SLC43A2: variants seen among roughly 807,000 people sequenced by gnomAD.
SLC43A2 encodes large neutral amino acids transporter small subunit 4.
SLC43A2 carries 38 observed loss-of-function variants against 63.2 expected under a neutral mutation model. The ratio of observed to expected loss-of-function variants is 0.60; its 90% CI spans 0.46 to 0.79. The LOEUF is 0.79. Among genes scored for constraint, SLC43A2 ranks in the 30% least tolerant of loss-of-function variants. SLC43A2 has a pLI of 0.00. For missense variants in SLC43A2, 644 were observed against 756.2 expected, an observed-to-expected ratio of 0.85 and a Z score of 1.74; for synonymous variants, 322 against 331.0, an observed-to-expected ratio of 0.97 and a Z score of 0.30.
At chr17:1,616,523 A>G (rs1018376721) in intron 3 of SLC43A2, 39 bp downstream of exon 3, 13 of 1,566,164 alleles carry the variant, frequency 8.3e-6, no homozygotes, top group Non-Finnish European at 1.1e-5. Context: ...CAGGGGGTCC[A>G]CCTGCCCACT....
chr17:1,621,513 C>A (rs530346962), intron 2 of SLC43A2, among the ~76,000 whole-genome samples: 1 of 152,150 alleles, frequency 6.6e-6, no homozygotes, highest in Admixed American at 6.5e-5. Context: ...GGTGAGAGGT[C>A]GGCTCAGACA....
chr17:1,628,549 G>C (rs1319228803), intron 1 of SLC43A2, among the ~76,000 whole-genome samples: 1 of 152,138 alleles, frequency 6.6e-6, no homozygotes, highest in African/African-American at 2.4e-5. Flanking sequence ...GGTTCAAACC[G>C]GTGGCGCGAG....
chr17:1,584,769 G>A (rs189111055), intron 10 of SLC43A2, among the ~76,000 whole-genome samples: 2 of 150,942 alleles, frequency 1.3e-5, no homozygotes, highest in African/African-American at 2.4e-5. Context: ...GCAGTGAGCC[G>A]AGATAGAGCC....
chr17:1,575,533 C>T lies in SLC43A2; in HGVS notation c.*71G>A. On this transcript the variant is annotated 3_prime_UTR_variant, in exon 14 of 14. Transcript: ENST00000301335. ...GAAGGTCCTGGGGGTGCGTGGGGTA[C>T]TCTGGAGGGGCAGGACAGGGGTCAG... is the stretch of plus-strand genomic sequence containing the variant. 1 of 1,600,224 alleles carries T rather than the reference C, an allele frequency of 6.2e-7. No individual in the cohort carries two copies. The highest frequency in any genetic ancestry group is 8.6e-7 in the Non-Finnish European group (1 of 1,168,072).
rs1486616896 is a variant in SLC43A2 at position 1,570,586 on chromosome 17, A to C, written c.*5018T>G. ...ACTGCAAGCTCCGCCTCCCGGGTTCACACCATTCTCCTGCCTCAGCCTCCC... is the reference window on the plus strand; with the variant it reads ...ACTGCAAGCTCCGCCTCCCGGGTTCCCACCATTCTCCTGCCTCAGCCTCCC... On this transcript the variant is annotated 3_prime_UTR_variant, in exon 14 of 14. Transcript: ENST00000301335. 3 of 141,810 alleles carry C rather than the reference A, an allele frequency of 2.1e-5. No homozygotes were observed. Among genetic ancestry groups the C allele is most frequent in the Non-Finnish European group, 4.6e-5 (3 of 65,536 alleles). The allele number at this position is 141,810 out of a possible 1,614,324, so 8.8% of individuals were successfully genotyped here.
At chr17:1,613,080 G>A (rs1907276937) in intron 5 of SLC43A2, 115 bp downstream of exon 5, 1 of 934,880 alleles carries the variant, frequency 1.1e-6, no homozygotes, top group Admixed American at 2.1e-5. Flanking sequence ...CTACTGTTTG[G>A]GACACCCAGG....
At chr17:1,576,559 C>T (rs753984402) in intron 13 of SLC43A2, 38 bp downstream of exon 13, 2 of 1,571,092 alleles carry the variant, frequency 1.3e-6, no homozygotes, top group Non-Finnish European at 1.7e-6. Flanking sequence ...CAGAAGGGGG[C>T]AGGCGCCCAT....
At chr17:1,616,875 G>A (rs185980457) in intron 2 of SLC43A2, 106 bp from the exon 3 acceptor site, 5 of 1,323,516 alleles carry the variant, frequency 3.8e-6, no homozygotes, top group Non-Finnish European at 4.2e-6. Flanking sequence ...GAATGCCAGG[G>A]CTGGCTGGCG....
chr17:1,597,837 A>G (rs747663878), intron 5 of SLC43A2, among the ~76,000 whole-genome samples: 5 of 152,164 alleles, frequency 3.3e-5, no homozygotes, highest in Admixed American at 6.5e-5. Context: ...AGAAAAGAAA[A>G]GAAATCCCTT....
At chr17:1,615,998 A>G (rs1221873257) in intron 3 of SLC43A2, among the ~76,000 whole-genome samples, 2 of 145,882 alleles carry the variant, frequency 1.4e-5, no homozygotes, top group Non-Finnish European at 3.0e-5. Context: ...AGCCGAGATC[A>G]CGCCACTGCA....
At chr17:1,594,044 G>C (rs1016210854) in intron 5 of SLC43A2, among the ~76,000 whole-genome samples, 1 of 152,054 alleles carries the variant, frequency 6.6e-6, no homozygotes, top group Admixed American at 6.6e-5. Flanking sequence ...TCACCATGTT[G>C]GCCAGGCTGA....
chr17:1,624,142 C>T (rs940873791), intron 2 of SLC43A2, among the ~76,000 whole-genome samples: 14 of 152,240 alleles, frequency 9.2e-5, no homozygotes, highest in Admixed American at 8.5e-4. Context: ...AGGGGATTAA[C>T]GATCCACATG....
chr17:1,619,840 C>T (rs1907992936), intron 2 of SLC43A2, among the ~76,000 whole-genome samples: 1 of 152,178 alleles, frequency 6.6e-6, no homozygotes. Flanking sequence ...CGCCAGGGCC[C>T]AGGATGGGTG....
chr17:1,600,152 A>ATATATATATT (rs1216616243), intron 5 of SLC43A2, among the ~76,000 whole-genome samples: 84 of 60,280 alleles, frequency 1.4e-3, no homozygotes, highest in Admixed American at 6.6e-3. Context: ...ATATATATAT[A>ATATATATATT]TTTTTTTTTT....
chr17:1,600,154 T>TATATATATATATATATA (rs1567630909), intron 5 of SLC43A2, among the ~76,000 whole-genome samples: 5 of 28,990 alleles, frequency 1.7e-4, no homozygotes, highest in African/African-American at 4.5e-4. Flanking sequence ...ATATATATAT[T>TATATATATATATATATA]TTTTTTTTTT....
rs1480301475 is a variant in SLC43A2, at chr17:1,599,656, G to A, written c.502-6377C>T. Among the ~76,000 whole-genome samples, 2 of 148,924 alleles carry A rather than the reference G, an allele frequency of 1.3e-5. 1 individual carries two copies. The highest frequency in any genetic ancestry group is 4.0e-4 in the East Asian group (2 of 4,964). On this transcript the variant is annotated intron_variant, in intron 5 of 13. Transcript: ENST00000301335. Reference sequence around the variant, plus strand: ...ATAGAGGTTGCAGTGAGCAGAGACTGAGCCACTGCACTCCAGCCTGGGCAA... The same window carrying A: ...ATAGAGGTTGCAGTGAGCAGAGACTAAGCCACTGCACTCCAGCCTGGGCAA...
intron 9 of SLC43A2, among the ~76,000 whole-genome samples, chr17:1,586,620 G>C (rs1416532029): frequency 6.6e-6 from 1 of 152,084 alleles, no homozygotes; most frequent in East Asian, 1.9e-4. Flanking sequence ...TTGAACCCGG[G>C]AGGTGAAGGT....
rs746556259 is a variant in SLC43A2 at position 1,583,380 on chromosome 17, G to A, written c.1218-44C>T. 3 of 1,604,990 alleles carry A rather than the reference G, an allele frequency of 1.9e-6. No homozygotes were observed. Among genetic ancestry groups the A allele is most frequent in the Non-Finnish European group, 2.6e-6 (3 of 1,172,988 alleles). On this transcript the variant is annotated intron_variant, in intron 10 of 13. Coordinates refer to ENST00000301335, the MANE Select transcript of SLC43A2 (RefSeq NM_152346.3). This position sits in a 1 kb window ranked among gnomAD's most constrained non-coding sequence, Gnocchi z 5.5. ...TGCAGGGGTGGGAGGGCTCCCCGGA[G>A]GAAGCCGGGTGCTCCTGAGAAGTCA...
intron 11 of SLC43A2, among the ~76,000 whole-genome samples, chr17:1,580,774 A>G (rs8075404): frequency 0.48 from 71,007 of 147,084 alleles, 17,981 homozygotes; most frequent in African/African-American, 0.62. Flanking sequence ...CCGGTTGCCC[A>G]GGCTGGAGTG....
Sources: allele counts gnomAD v4.1 joint callset (sites outside exome capture counted in the v4.1 genomes callset), GRCh38; gene constraint gnomAD v4.1.1; non-coding constraint Gnocchi (gnomAD v3.1); transcripts MANE v1.5; gene names NCBI Gene and HGNC (gene_info 2026-07-23, HGNC 2026-07-21).